PCNX1: variants seen among roughly 807,000 people sequenced by gnomAD.
PCNX1 encodes pecanex-like protein 1.
Under a neutral mutation model 242.2 loss-of-function variants are expected in PCNX1, and 78 were observed. That is an observed-to-expected ratio of 0.32 (90% confidence interval 0.27 to 0.39). The LOEUF (loss-of-function observed/expected upper bound fraction) is 0.39, where lower values mean the gene tolerates loss of function less well. Ranked by LOEUF, PCNX1 falls within the 10% of genes least tolerant of loss-of-function variation. PCNX1 has a pLI of 1.00. For missense variants in PCNX1, 2,581 were observed against 2,856.5 expected (o/e 0.90, Z 2.20); for synonymous variants, 1,024 against 1,032.9 (o/e 0.99, Z 0.17).
intron 28 of PCNX1, among the ~76,000 whole-genome samples, chr14:71,084,812 C>A (rs2061943272): frequency 6.6e-6 from 1 of 152,188 alleles, no homozygotes; most frequent in East Asian, 1.9e-4. Context: ...CTGAGCTAGA[C>A]CACTTGGCTC....
chr14:71,050,631 G>T, intron 22 of PCNX1, 21 bp from the exon 23 acceptor site: 3 of 1,526,184 alleles, frequency 2.0e-6, no homozygotes, highest in South Asian at 1.3e-5. Flanking sequence ...TTTACTGACA[G>T]CCATTCTTTT....
intron 1 of PCNX1, among the ~76,000 whole-genome samples, chr14:70,937,476 C>T (rs1419395856): frequency 6.6e-6 from 1 of 152,138 alleles, no homozygotes; most frequent in Admixed American, 6.5e-5. Context: ...GGGCTCTGTT[C>T]TGTTCCATCG....
intron 23 of PCNX1, 80 bp from the exon 24 acceptor site, chr14:71,051,803 T>C: frequency 7.3e-7 from 1 of 1,368,262 alleles, no homozygotes; most frequent in Non-Finnish European, 1.0e-6. Flanking sequence ...AATCTAAATG[T>C]GTCTGCTAGG....
chr14:71,054,009 C>T (rs541877765), intron 24 of PCNX1, among the ~76,000 whole-genome samples: 8 of 151,914 alleles, frequency 5.3e-5, no homozygotes, highest in Non-Finnish European at 8.8e-5. Flanking sequence ...GTCTCAAACT[C>T]CTGATCTGAA....
intron 30 of PCNX1, among the ~76,000 whole-genome samples, chr14:71,098,503 T>G (rs1249719181): frequency 1.4e-5 from 2 of 145,994 alleles, no homozygotes; most frequent in Non-Finnish European, 3.0e-5. Flanking sequence ...CTTGGTTAGA[T>G]GTATTCGTGT....
intron 1 of PCNX1, among the ~76,000 whole-genome samples, chr14:70,924,000 G>T (rs1302311328): frequency 6.6e-6 from 1 of 152,112 alleles, no homozygotes. Flanking sequence ...GGAGGCCGAG[G>T]CAGGCAGATT....
chr14:71,028,183 G>A (rs1197302024), intron 15 of PCNX1, among the ~76,000 whole-genome samples: 1 of 151,708 alleles, frequency 6.6e-6, no homozygotes, highest in Non-Finnish European at 1.5e-5. Flanking sequence ...AGTGTCTAAA[G>A]TATCTGTTAT....
chr14:70,921,501 A>G (rs527905834), intron 1 of PCNX1, among the ~76,000 whole-genome samples: 66 of 152,284 alleles, frequency 4.3e-4, no homozygotes, highest in African/African-American at 1.5e-3. Context: ...GCTGGTAAAG[A>G]TATTTTCAAA....
chr14:71,054,683 A>G (rs959365102), intron 24 of PCNX1, among the ~76,000 whole-genome samples: 2 of 152,208 alleles, frequency 1.3e-5, no homozygotes, highest in African/African-American at 4.8e-5. Context: ...TCGGAGTTCA[A>G]GCAGTTGCAC....
intron 32 of PCNX1, 86 bp from the exon 33 acceptor site, chr14:71,105,149 C>A: frequency 1.1e-6 from 1 of 943,108 alleles, no homozygotes; most frequent in Non-Finnish European, 1.7e-6. Flanking sequence ...GTAGCATTTG[C>A]AGTTCAGAAT....
intron 1 of PCNX1, among the ~76,000 whole-genome samples, chr14:70,924,295 A>G (rs1262746287): frequency 6.6e-6 from 1 of 151,760 alleles, no homozygotes; most frequent in East Asian, 1.9e-4. Flanking sequence ...CCCTCAAGAT[A>G]TTTTAAAAGA....
chr14:71,075,811 A>T (rs1335225160), intron 27 of PCNX1, among the ~76,000 whole-genome samples: 2 of 152,064 alleles, frequency 1.3e-5, no homozygotes, highest in Non-Finnish European at 2.9e-5. Context: ...GCTTGAACCC[A>T]GGAGATAGAG....
chr14:70,914,638 T>C (rs1177058164), intron 1 of PCNX1, among the ~76,000 whole-genome samples: 1 of 152,214 alleles, frequency 6.6e-6, no homozygotes, highest in African/African-American at 2.4e-5. Flanking sequence ...TTCAAACATA[T>C]AGGAAAGTTG....
rs1156483959 is a variant in PCNX1 at position 70,983,884 on chromosome 14, C to CT, written c.2312-4682dup. Among the ~76,000 whole-genome samples, 3 of 151,348 alleles carry CT rather than the reference C, an allele frequency of 2.0e-5. 1 individual carries two copies. Among genetic ancestry groups the CT allele is most frequent in the Non-Finnish European group, 4.4e-5 (3 of 67,594 alleles). On this transcript the variant is annotated intron_variant, in intron 6 of 35. Transcript: ENST00000304743. ...GCATCGTTCTTGGCTGACAAAGAAACTAAGAAAGGGAAAAACTATTTAGAT... is the reference window on the plus strand; with the variant it reads ...GCATCGTTCTTGGCTGACAAAGAAACTTAAGAAAGGGAAAAACTATTTAGAT...
At chr14:70,978,987 T>C (rs989742664) in intron 6 of PCNX1, among the ~76,000 whole-genome samples, 1 of 152,144 alleles carries the variant, frequency 6.6e-6, no homozygotes. Context: ...CAATAAAATA[T>C]ATAATTATTT....
At position 71,035,874 on chromosome 14, in the gene PCNX1, A is replaced by T. The variant is rs36059244; in HGVS notation, c.3775-191A>T. ...CAGTGAGCCAAAATTGTCCCACTGCACTCCATCTTAGAGAAAGAGAGACTC... is the reference window on the plus strand; with the variant it reads ...CAGTGAGCCAAAATTGTCCCACTGCTCTCCATCTTAGAGAAAGAGAGACTC... On this transcript the variant is annotated intron_variant, in intron 18 of 35. Coordinates refer to ENST00000304743, the MANE Select transcript of PCNX1 (RefSeq NM_014982.3). Among the ~76,000 whole-genome samples the T allele has an allele frequency of 0.012, 1,837 of 152,114 alleles. 22 individuals carry two copies. The highest frequency in any genetic ancestry group is 0.018 in the Non-Finnish European group (1,226 of 68,012).
chr14:70,918,864 C>T (rs940840945), intron 1 of PCNX1, among the ~76,000 whole-genome samples: 2 of 145,924 alleles, frequency 1.4e-5, no homozygotes, highest in African/African-American at 2.5e-5. Flanking sequence ...ATGGAGTGTT[C>T]GTTTGTTGGT....
chr14:70,955,466 C>T (rs1213797734), intron 2 of PCNX1, among the ~76,000 whole-genome samples: 1 of 152,158 alleles, frequency 6.6e-6, no homozygotes, highest in East Asian at 1.9e-4. Flanking sequence ...AGAGCATGAG[C>T]AATAAATATG....
At chr14:70,943,794 G>A (rs1392589061) in intron 1 of PCNX1, among the ~76,000 whole-genome samples, 2 of 152,200 alleles carry the variant, frequency 1.3e-5, no homozygotes, top group Non-Finnish European at 2.9e-5. Flanking sequence ...CGAGGCCAGG[G>A]CCTTGCTGCT....
Sources: allele counts gnomAD v4.1 joint callset (sites outside exome capture counted in the v4.1 genomes callset), GRCh38; gene constraint gnomAD v4.1.1; transcripts MANE v1.5; gene names NCBI Gene and HGNC (gene_info 2026-07-23, HGNC 2026-07-21).